MAPK14: variants seen among roughly 807,000 people sequenced by gnomAD.
MAPK14 encodes mitogen-activated protein kinase 14.
Under a neutral mutation model 49.6 loss-of-function variants are expected in MAPK14, and 16 were observed. The observed-to-expected ratio is 0.32, with a 90% CI of 0.22 to 0.49. The LOEUF (loss-of-function observed/expected upper bound fraction) is 0.49, where lower values mean the gene tolerates loss of function less well. MAPK14 is among the 20% of genes least tolerant of loss of function. The pLI, the probability that MAPK14 is intolerant of heterozygous loss-of-function variation, is 0.99. For missense variants in MAPK14, 200 were observed against 441.2 expected, an observed-to-expected ratio of 0.45 and a Z score of 4.90; for synonymous variants, 142 against 158.0, an observed-to-expected ratio of 0.90 and a Z score of 0.76.
At chr6:36,081,171 G>T (rs1033862622) in intron 8 of MAPK14, among the ~76,000 whole-genome samples, 9 of 151,776 alleles carry the variant, frequency 5.9e-5, no homozygotes, top group African/African-American at 2.2e-4. Context: ...TTTTAATTTT[G>T]ATTAAGTTCC....
chr6:36,091,725 C>G (rs1765237194), intron 8 of MAPK14, among the ~76,000 whole-genome samples: 1 of 151,986 alleles, frequency 6.6e-6, no homozygotes, highest in Non-Finnish European at 1.5e-5. Flanking sequence ...CTTTTAGTTA[C>G]TAAGATTTTT....
chr6:36,120,098 G>T, the MAPK14 span, among the ~76,000 whole-genome samples: 3 of 152,104 alleles, frequency 2.0e-5, no homozygotes, highest in Non-Finnish European at 2.9e-5. Flanking sequence ...TGTAACCTCC[G>T]CAGGTTGCTT....
At chr6:36,073,889 A>G (rs748955149) in intron 5 of MAPK14, among the ~76,000 whole-genome samples, 160 bp from the exon 6 acceptor site, 5 of 152,148 alleles carry the variant, frequency 3.3e-5, no homozygotes, top group African/African-American at 9.7e-5. Context: ...GTTTTTTTCT[A>G]TGTAAGGCTA....
At chr6:36,102,746 T>TTTCTCCTTTTG in intron 10 of MAPK14, 97 bp downstream of exon 10, 1 of 1,580,422 alleles carries the variant, frequency 6.3e-7, no homozygotes, top group South Asian at 1.2e-5. Context: ...CCAAATAAAG[T>TTTCTCCTTTTG]ACCATTAGTT....
In MAPK14 at chr6:36,041,041, C is replaced by T. The variant is rs573983160; in HGVS notation, c.117-11658C>T. Reference sequence around the variant, plus strand: ...TTGTGGATCTCAGGTAGCAGTAACTCAGGAAGATCAGCCTTCTTTGATTTA... The same window carrying T: ...TTGTGGATCTCAGGTAGCAGTAACTTAGGAAGATCAGCCTTCTTTGATTTA... On this transcript the variant is annotated intron_variant, in intron 1 of 11. Coordinates refer to ENST00000229794, the MANE Select transcript of MAPK14 (RefSeq NM_139012.3). Among the ~76,000 whole-genome samples, 7 of 152,246 alleles carry T rather than the reference C, an allele frequency of 4.6e-5. No individual in the cohort carries two copies. The South Asian group carries it at 1.2e-3, about 27-fold the overall frequency.
chr6:36,100,102 G>T (rs1421968473), intron 9 of MAPK14: 31 of 900,936 alleles, frequency 3.4e-5, no homozygotes, highest in Middle Eastern at 4.4e-4. Context: ...CTGTTTGGGG[G>T]TGGCTTTTTG....
intron 10 of MAPK14, among the ~76,000 whole-genome samples, chr6:36,106,266 C>T (rs1379114066): frequency 6.6e-6 from 1 of 152,110 alleles, no homozygotes; most frequent in Non-Finnish European, 1.5e-5. Flanking sequence ...AGGGTATAGA[C>T]ACATGACAGC....
At position 36,109,740 on chromosome 6, in the gene MAPK14, C is replaced by T. The variant is rs1226491276; in HGVS notation, c.*1293C>T. The T allele has an allele frequency of 6.6e-6, 1 of 152,624 alleles. No homozygotes were observed. Among genetic ancestry groups the T allele is most frequent in the African/African-American group, 2.4e-5 (1 of 41,462 alleles). 9.5% of individuals were successfully genotyped at this position (152,624 alleles called of 1,614,324 possible). A position where few individuals can be genotyped will look rare whatever the true frequency, so the allele number is the denominator to read the frequency against. The stretch of plus-strand genomic sequence containing the variant: ...CTTCGGAAACAAGTTATTCTCTTCA[C>T]TCCCAATAACTAATGCTAAGAAATG... On this transcript the variant is annotated 3_prime_UTR_variant, in exon 12 of 12. Coordinates refer to ENST00000229794, the MANE Select transcript of MAPK14 (RefSeq NM_139012.3).
intron 3 of MAPK14, among the ~76,000 whole-genome samples, chr6:36,070,323 G>T (rs1764219388): frequency 6.6e-6 from 1 of 152,170 alleles, no homozygotes; most frequent in Non-Finnish European, 1.5e-5. Context: ...GTTAGTTTTA[G>T]ATCCAACTCC....
chr6:36,065,626 A>G (rs1043193447), intron 3 of MAPK14, among the ~76,000 whole-genome samples: 3 of 151,464 alleles, frequency 2.0e-5, no homozygotes, highest in Non-Finnish European at 4.4e-5. Context: ...TTTATAAGCT[A>G]AGCCTCATTA....
At chr6:36,123,039 T>A in the MAPK14 span, among the ~76,000 whole-genome samples, 1 of 151,406 alleles carries the variant, frequency 6.6e-6, no homozygotes, top group East Asian at 1.9e-4. Flanking sequence ...GGATCTAGAG[T>A]TCACTCGGGA....
rs200631642 is a variant in MAPK14, at chr6:36,027,956, A to G, written c.-202A>G. 2.3e-6 allele frequency: 1 copy of G among 432,924 alleles called. No homozygotes were observed. 26.8% of individuals were successfully genotyped at this position (432,924 alleles called of 1,614,324 possible). On this transcript the variant is annotated 5_prime_UTR_variant, in exon 1 of 12. Coordinates refer to ENST00000229794, the MANE Select transcript of MAPK14 (RefSeq NM_139012.3). ...CCCTGCCCTTAGCGGGGCTTGCCCC[A>G]GTCGCAGGGGCACATCCAGCCGCTG...
At chr6:36,111,808 C>T (rs947762740), downstream of MAPK14, among the ~76,000 whole-genome samples, 2 of 152,108 alleles carry the variant, frequency 1.3e-5, no homozygotes, top group African/African-American at 4.8e-5. Context: ...AGGCAGTGAT[C>T]GAAGGCAGAC....
the MAPK14 span, among the ~76,000 whole-genome samples, chr6:36,116,304 A>C: frequency 6.6e-6 from 1 of 151,280 alleles, no homozygotes; most frequent in Non-Finnish European, 1.5e-5. Flanking sequence ...GTGGTAAGCA[A>C]CTCTTGGTAA....
chr6:36,040,476 T>C (rs1762923186), intron 1 of MAPK14, among the ~76,000 whole-genome samples: 1 of 152,204 alleles, frequency 6.6e-6, no homozygotes, highest in African/African-American at 2.4e-5. Context: ...GCATTATAAA[T>C]TGGGCCTCTC....
At chr6:36,033,040 TTAA>T (rs1762602147) in intron 1 of MAPK14, among the ~76,000 whole-genome samples, 1 of 152,130 alleles carries the variant, frequency 6.6e-6, no homozygotes, top group South Asian at 2.1e-4. Context: ...TGCATGATTA[TTAA>T]GTATACAAGG....
chr6:36,099,605 T>G (rs964774189), intron 9 of MAPK14, among the ~76,000 whole-genome samples: 1 of 152,218 alleles, frequency 6.6e-6, no homozygotes, highest in East Asian at 1.9e-4. Context: ...CTCCTCTTTC[T>G]TCATTTACCA....
At chr6:36,100,136 A>G (rs895482388) in intron 9 of MAPK14, 3 of 1,332,018 alleles carry the variant, frequency 2.3e-6, no homozygotes, top group South Asian at 2.3e-5. Flanking sequence ...CTTGAGTTGA[A>G]AATTATTTTT....
intron 5 of MAPK14, 58 bp downstream of exon 5, chr6:36,073,778 T>A (rs1449627198): frequency 6.6e-6 from 10 of 1,511,060 alleles, no homozygotes; most frequent in Non-Finnish European, 9.1e-6. Context: ...AGTGGAAGAA[T>A]GGCATTTAGC....
Sources: gnomAD v4.1 joint callset for allele counts (sites outside exome capture counted in the v4.1 genomes callset) on GRCh38, gnomAD v4.1.1 for gene constraint, MANE v1.5 for transcripts, NCBI Gene and HGNC (gene_info 2026-07-23, HGNC 2026-07-21) for gene names.